Variants in EFR3A observed in about 807,000 individuals in gnomAD.
The protein encoded by EFR3A is protein EFR3 homolog A.
A neutral mutation model predicts 104.4 loss-of-function variants in EFR3A; 76 were observed. The observed-to-expected ratio is 0.73, with a 90% confidence interval of 0.60 to 0.88. The LOEUF (loss-of-function observed/expected upper bound fraction) is 0.88. Ranked by LOEUF, EFR3A falls within the 40% of genes least tolerant of loss-of-function variation. EFR3A has a pLI of 0.00. For missense variants in EFR3A, 985 were observed against 1,012.5 expected, an observed-to-expected ratio of 0.97 and a Z score of 0.37; for synonymous variants, 330 against 330.0, an observed-to-expected ratio of 1.00 and a Z score of 0.00.
Position 132,003,227 on chromosome 8 carries a change from T to A in EFR3A, c.2311-9T>A, listed in dbSNP as rs370099434. On this transcript the variant is annotated splice_polypyrimidine_tract_variant and intron_variant, in intron 21 of 22. Transcript: ENST00000254624. ...TAAACCATTCTTAACATTTTTTTCTTTTTTGCAGGCAAATTTGCTTCATGA... is the reference window on the plus strand; with the variant it reads ...TAAACCATTCTTAACATTTTTTTCTATTTTGCAGGCAAATTTGCTTCATGA... The A allele has an allele frequency of 4.2e-4, 673 of 1,612,216 alleles. 4 individuals carry two copies. The African/African-American group carries it at 8.1e-3, about 19-fold the overall frequency.
At chr8:131,922,529 C>T (rs1817094738) in intron 1 of EFR3A, among the ~76,000 whole-genome samples, 1 of 152,066 alleles carries the variant, frequency 6.6e-6, no homozygotes, top group South Asian at 2.1e-4. Flanking sequence ...TTAATTCAAC[C>T]TTTACTGGGG....
chr8:131,979,860 G>C (rs1291412564), intron 14 of EFR3A, among the ~76,000 whole-genome samples: 1 of 152,106 alleles, frequency 6.6e-6, no homozygotes, highest in African/African-American at 2.4e-5. Flanking sequence ...ATAAAGATGA[G>C]TTGGGCAGGA....
At chr8:131,932,980 C>T (rs1817686987) in intron 1 of EFR3A, among the ~76,000 whole-genome samples, 1 of 152,040 alleles carries the variant, frequency 6.6e-6, no homozygotes, top group African/African-American at 2.4e-5. Context: ...TCCTCTAAAA[C>T]ATATTAATTA....
At position 131,959,604 on chromosome 8, in the gene EFR3A, CTG is replaced by C. The variant is rs781560891; in HGVS notation, c.799_800del (p.Trp267GlyfsTer4). 4 of 1,611,932 alleles carry C rather than the reference CTG, an allele frequency of 2.5e-6. No homozygotes were observed. Among genetic ancestry groups the C allele is most frequent in the Non-Finnish European group, 2.5e-6 (3 of 1,179,190 alleles). Reference sequence around the variant, plus strand: ...TTGCAGGCATTTAGATCATCACAAACTGTGGGATCCCAATGAATTTGCAGTTC... The same window carrying C: ...TTGCAGGCATTTAGATCATCACAAACTGGGATCCCAATGAATTTGCAGTTC... ...PVFAHLDHHKLWDPNEFAVHC... is the reference protein window; with the variant it reads ...PVFAHLDHHKXWDPNEFAVHC... On this transcript the variant is annotated frameshift_variant, in exon 8 of 23. Coordinates refer to ENST00000254624, the MANE Select transcript of EFR3A (RefSeq NM_015137.6). LOFTEE classifies it high-confidence loss of function.
chr8:131,932,001 C>T (rs780070834), intron 1 of EFR3A, among the ~76,000 whole-genome samples: 5 of 152,072 alleles, frequency 3.3e-5, no homozygotes, highest in Admixed American at 6.6e-5. Flanking sequence ...ATAGCACCCC[C>T]CAGCCACTCT....
chr8:131,970,755 A>G (rs1464418762), intron 10 of EFR3A, 112 bp downstream of exon 10: 1 of 1,070,260 alleles, frequency 9.3e-7, no homozygotes, highest in Non-Finnish European at 1.3e-6. Context: ...GATAGCTTAA[A>G]TTTCTGAAAA....
chr8:132,011,102 T>C lies in EFR3A; in HGVS notation c.*207T>C. ...TTTCAAAGATAGATTTATGCCATGT[T>C]AATTTGCTTTGAGGTTCCTGTTGCC... On this transcript the variant is annotated 3_prime_UTR_variant, in exon 23 of 23. Transcript: ENST00000254624. The C allele has an allele frequency of 3.3e-6, 4 of 1,226,132 alleles. No homozygotes were observed. Among genetic ancestry groups the C allele is most frequent in the Non-Finnish European group, 1.0e-6 (1 of 977,704 alleles). The allele number at this position is 1,226,132 out of a possible 1,614,324, so 76.0% of individuals were successfully genotyped here.
At chr8:131,985,548 C>A (rs1181433430) in intron 16 of EFR3A, among the ~76,000 whole-genome samples, 1 of 152,100 alleles carries the variant, frequency 6.6e-6, no homozygotes, top group African/African-American at 2.4e-5. Flanking sequence ...TTTCAATGCC[C>A]CCAAGTTACC....
intron 11 of EFR3A, among the ~76,000 whole-genome samples, chr8:131,976,458 A>C (rs187073224): frequency 1.1e-4 from 17 of 152,254 alleles, no homozygotes; most frequent in African/African-American, 3.4e-4. Flanking sequence ...ATTAATGTCA[A>C]TATATCAGAA....
At chr8:131,950,132 G>A in intron 5 of EFR3A, 42 bp downstream of exon 5, 1 of 1,528,224 alleles carries the variant, frequency 6.5e-7, no homozygotes. Flanking sequence ...AAGTAATTTA[G>A]AGATTAATAT....
At chr8:131,905,288 A>G (rs1816196257) in intron 1 of EFR3A, among the ~76,000 whole-genome samples, 1 of 152,176 alleles carries the variant, frequency 6.6e-6, no homozygotes, top group Non-Finnish European at 1.5e-5. Context: ...AACTACTTCT[A>G]GTTGTCCTTG....
Position 131,983,203 on chromosome 8 carries a change from CA to C in EFR3A, c.1576-935del, listed in dbSNP as rs1820707113. ...GAATATTAAGCCTAAAGTCTCTCCA[CA>C]TGGGAAAAAATGAGTGTTCTTAACC... On this transcript the variant is annotated intron_variant, in intron 14 of 22. Transcript: ENST00000254624. 2.0e-5 allele frequency among the ~76,000 whole-genome samples: 3 copies of C among 152,248 alleles called. No individual in the cohort carries two copies. In the South Asian group the frequency reaches 6.2e-4, roughly 32 times the overall value.
At chr8:131,907,606 T>C (rs1816314824) in intron 1 of EFR3A, among the ~76,000 whole-genome samples, 1 of 152,222 alleles carries the variant, frequency 6.6e-6, no homozygotes, top group African/African-American at 2.4e-5. Flanking sequence ...ATTTAACTTA[T>C]TTTTTAATTT....
rs966267345 is a variant in EFR3A at position 131,922,339 on chromosome 8, C to T, written c.10+18017C>T. Among the ~76,000 whole-genome samples, 6 of 152,062 alleles carry T rather than the reference C, an allele frequency of 3.9e-5. No homozygotes were observed. The East Asian group carries it at 9.7e-4, about 25-fold the overall frequency. ...TCCTAACCCGAAAATCTAAAATGCC[C>T]CCAAATTTGAAACTTTTGAGCTCCT... On this transcript the variant is annotated intron_variant, in intron 1 of 22. Coordinates refer to ENST00000254624, the MANE Select transcript of EFR3A (RefSeq NM_015137.6).
intron 8 of EFR3A, among the ~76,000 whole-genome samples, chr8:131,967,616 T>G (rs1283545547): frequency 6.6e-6 from 1 of 151,930 alleles, no homozygotes; most frequent in Non-Finnish European, 1.5e-5. Context: ...GAATAAACAT[T>G]TTTTTGGCTA....
chr8:131,937,008 A>G (rs1306393050), intron 1 of EFR3A, among the ~76,000 whole-genome samples: 4 of 151,994 alleles, frequency 2.6e-5, no homozygotes, highest in Non-Finnish European at 4.4e-5. Flanking sequence ...GAAAGTCCCC[A>G]TCCTCTGGTC....
At chr8:131,918,269 AGAGCAAGACTCTGTCTCAACAAC>A (rs1450822795) in intron 1 of EFR3A, among the ~76,000 whole-genome samples, 7 of 152,206 alleles carry the variant, frequency 4.6e-5, no homozygotes, top group Non-Finnish European at 8.8e-5. Context: ...CCTGGGTGAC[AGAGCAAGACTCTGTCTCAACAAC>A]AACAACAACA....
At chr8:131,934,468 T>C (rs1455717960) in intron 1 of EFR3A, among the ~76,000 whole-genome samples, 1 of 152,154 alleles carries the variant, frequency 6.6e-6, no homozygotes, top group Non-Finnish European at 1.5e-5. Context: ...CTATTTGACA[T>C]TGGAGAGCCT....
At chr8:131,939,950 T>C (rs1818080990) in intron 1 of EFR3A, 1 of 152,464 alleles carries the variant, frequency 6.6e-6, no homozygotes, top group Non-Finnish European at 1.5e-5. Context: ...ATGTGGTAGG[T>C]GATAAGTGCT....
Sources: gnomAD v4.1 joint callset for allele counts (sites outside exome capture counted in the v4.1 genomes callset) on GRCh38, gnomAD v4.1.1 for gene constraint, MANE v1.5 for transcripts, NCBI Gene and HGNC (gene_info 2026-07-23, HGNC 2026-07-21) for gene names.